NRCAM: variants seen among roughly 807,000 people sequenced by gnomAD.
NRCAM encodes the protein NgCAM-related cell adhesion molecule.
A neutral mutation model predicts 156.5 loss-of-function variants in NRCAM; 83 were observed. That is an observed-to-expected ratio of 0.53 (90% confidence interval 0.44 to 0.64). The LOEUF (loss-of-function observed/expected upper bound fraction) is 0.64, where lower values mean the gene tolerates loss of function less well. Among genes scored for constraint, NRCAM ranks in the 30% least tolerant of loss-of-function variants. The pLI is 0.00. For missense variants in NRCAM, 1,417 were observed against 1,597.3 expected, an observed-to-expected ratio of 0.89 and a Z score of 1.92; for synonymous variants, 538 against 563.9, an observed-to-expected ratio of 0.95 and a Z score of 0.65.
chr7:108,289,098 GC>G (rs1297881013), intron 3 of NRCAM, among the ~76,000 whole-genome samples: 7 of 152,154 alleles, frequency 4.6e-5, no homozygotes, highest in African/African-American at 1.7e-4. Flanking sequence ...AAATAGAAAT[GC>G]AAAATAACCA....
rs2154350762 is a variant in NRCAM at position 108,376,432 on chromosome 7, A to G, written c.-174+23004T>C. Among the ~76,000 whole-genome samples, 3 of 152,236 alleles carry G rather than the reference A, an allele frequency of 2.0e-5. No individual in the cohort carries two copies. In the South Asian group the frequency reaches 6.2e-4, roughly 32 times the overall value. On this transcript the variant is annotated intron_variant, in intron 2 of 32. Coordinates refer to ENST00000379028, the MANE Select transcript of NRCAM (RefSeq NM_001037132.4). Reference sequence around the variant, plus strand: ...TATGCTCTCCTAGTGGCCTTCTAATAAACTGCCTTTCCTTTAAGTTACTTA... The same window carrying G: ...TATGCTCTCCTAGTGGCCTTCTAATGAACTGCCTTTCCTTTAAGTTACTTA...
intron 2 of NRCAM, among the ~76,000 whole-genome samples, chr7:108,390,024 G>A (rs1269538799): frequency 2.0e-5 from 3 of 151,998 alleles, no homozygotes; most frequent in Admixed American, 2.0e-4. Context: ...TCTCTTTTTT[G>A]TTATGTCTCT....
chr7:108,208,255 A>G (rs1021294975), intron 12 of NRCAM, among the ~76,000 whole-genome samples: 1 of 152,100 alleles, frequency 6.6e-6, no homozygotes, highest in African/African-American at 2.4e-5. Context: ...GCAGTGAGCC[A>G]AGATAGCCCA....
chr7:108,383,138 T>TCACACA (rs1554584665), intron 2 of NRCAM, among the ~76,000 whole-genome samples: 1 of 113,644 alleles, frequency 8.8e-6, no homozygotes, highest in Non-Finnish European at 1.8e-5. Context: ...ACACACGCTC[T>TCACACA]CACACACACA....
intron 1 of NRCAM, among the ~76,000 whole-genome samples, chr7:108,426,238 T>C (rs1817121164): frequency 6.6e-6 from 1 of 152,240 alleles, no homozygotes; most frequent in Admixed American, 6.5e-5. Flanking sequence ...CTTTCACATA[T>C]TATAGTCTCT....
intron 3 of NRCAM, among the ~76,000 whole-genome samples, chr7:108,291,636 G>A (rs2098294007): frequency 6.6e-6 from 1 of 152,024 alleles, no homozygotes; most frequent in South Asian, 2.1e-4. Context: ...TCTTTTGACC[G>A]TGCCTGAAAC....
chr7:108,300,658 G>A (rs1344523973), intron 3 of NRCAM, among the ~76,000 whole-genome samples: 1 of 152,168 alleles, frequency 6.6e-6, no homozygotes, highest in East Asian at 1.9e-4. Flanking sequence ...AAGGCATCAG[G>A]CAAAATTTGT....
At chr7:108,250,425 CA>C (rs34274206) in intron 3 of NRCAM, among the ~76,000 whole-genome samples, 21,517 of 67,752 alleles carry the variant, frequency 0.32, 2,151 homozygotes, top group African/African-American at 0.38. Flanking sequence ...CATCTTACCT[CA>C]AAAAAAAAAA....
At chr7:108,364,325 A>G (rs1365316164) in intron 2 of NRCAM, among the ~76,000 whole-genome samples, 3 of 152,244 alleles carry the variant, frequency 2.0e-5, no homozygotes, top group Non-Finnish European at 4.4e-5. Flanking sequence ...ACATCCATTA[A>G]GATAGCTATA....
chr7:108,317,420 C>T (rs2098940870), intron 2 of NRCAM, among the ~76,000 whole-genome samples: 1 of 152,016 alleles, frequency 6.6e-6, no homozygotes, highest in African/African-American at 2.4e-5. Context: ...GTAGAAACAG[C>T]TAAAGTAATA....
intron 4 of NRCAM, among the ~76,000 whole-genome samples, chr7:108,238,961 A>G (rs866668943): frequency 2.0e-5 from 3 of 152,194 alleles, no homozygotes; most frequent in Admixed American, 6.5e-5. Context: ...AATAAAAATG[A>G]CATCCCAACA....
intron 3 of NRCAM, among the ~76,000 whole-genome samples, chr7:108,276,726 C>T (rs1489226911): frequency 1.3e-5 from 2 of 152,090 alleles, no homozygotes; most frequent in Non-Finnish European, 2.9e-5. Context: ...GGGCATTTAG[C>T]CCATTTACAT....
At chr7:108,337,523 G>A (rs1011251669) in intron 2 of NRCAM, among the ~76,000 whole-genome samples, 7 of 152,076 alleles carry the variant, frequency 4.6e-5, no homozygotes, top group Non-Finnish European at 8.8e-5. Context: ...ACTCCCAATC[G>A]GGCTAAAGGC....
intron 25 of NRCAM, chr7:108,178,442 G>A (rs918259916): frequency 2.6e-5 from 10 of 385,548 alleles, no homozygotes; most frequent in East Asian, 1.5e-4. Flanking sequence ...AAGCAAACTA[G>A]CTACCAAGTG....
rs139718093 is a variant in NRCAM at position 108,246,431 on chromosome 7, G to A, written c.-106-6261C>T. Reference sequence around the variant, plus strand: ...TTTGTCATAGAGAGGGTGAATGTGAGACAGAGAGAGAGTGAGTCAGCGGTT... The same window carrying A: ...TTTGTCATAGAGAGGGTGAATGTGAAACAGAGAGAGAGTGAGTCAGCGGTT... On this transcript the variant is annotated intron_variant, in intron 3 of 32. Coordinates refer to ENST00000379028, the MANE Select transcript of NRCAM (RefSeq NM_001037132.4). Among the ~76,000 whole-genome samples, 714 of 152,278 alleles carry A rather than the reference G, an allele frequency of 4.7e-3. 5 individuals are homozygous for A. Among genetic ancestry groups the A allele is most frequent in the African/African-American group, 0.016 (673 of 41,550 alleles).
intron 3 of NRCAM, among the ~76,000 whole-genome samples, chr7:108,241,155 A>T (rs1189775514): frequency 6.6e-6 from 1 of 152,204 alleles, no homozygotes; most frequent in Non-Finnish European, 1.5e-5. Flanking sequence ...TGTAAACATC[A>T]CATACATAGG....
chr7:108,267,546 A>G (rs1406373012), intron 3 of NRCAM, among the ~76,000 whole-genome samples: 2 of 152,254 alleles, frequency 1.3e-5, no homozygotes, highest in Non-Finnish European at 2.9e-5. Flanking sequence ...TAACTTAGGA[A>G]AAAACAAAAA....
intron 11 of NRCAM, among the ~76,000 whole-genome samples, chr7:108,214,121 A>G (rs1177829903): frequency 1.3e-5 from 2 of 152,204 alleles, no homozygotes; most frequent in Non-Finnish European, 2.9e-5. Flanking sequence ...AAAATGAGTT[A>G]GGGAGGATAC....
At chr7:108,213,213 C>A (rs917688807) in intron 11 of NRCAM, among the ~76,000 whole-genome samples, 8 of 152,128 alleles carry the variant, frequency 5.3e-5, no homozygotes, top group African/African-American at 1.4e-4. Flanking sequence ...TTTGCCATTA[C>A]CAAACCACCA....
Sources: allele counts gnomAD v4.1 joint callset (sites outside exome capture counted in the v4.1 genomes callset), GRCh38; gene constraint gnomAD v4.1.1; transcripts MANE v1.5; gene names NCBI Gene and HGNC (gene_info 2026-07-23, HGNC 2026-07-21).